DOCK8: variants seen among roughly 807,000 people sequenced by gnomAD.
DOCK8 encodes dedicator of cytokinesis protein 8.
Under a neutral mutation model 245.6 loss-of-function variants are expected in DOCK8, and 141 were observed. That is an observed-to-expected ratio of 0.57 (90% confidence interval 0.50 to 0.66). The LOEUF (loss-of-function observed/expected upper bound fraction) is 0.66, where lower values mean the gene tolerates loss of function less well. Among genes scored for constraint, DOCK8 ranks in the 30% least tolerant of loss-of-function variants. The probability of loss-of-function intolerance (pLI) is 0.00; values close to 1 mark genes in which losing one functional copy is unlikely to be tolerated. For synonymous variants in DOCK8, 1,168 were observed against 970.2 expected, an observed-to-expected ratio of 1.20 and a Z score of -3.79; for missense variants, 2,965 against 2,603.4, an observed-to-expected ratio of 1.14 and a Z score of -3.02.
intron 33 of DOCK8, among the ~76,000 whole-genome samples, chr9:425,380 A>T (rs2056445038): frequency 6.6e-6 from 1 of 152,006 alleles, no homozygotes; most frequent in African/African-American, 2.4e-5. Context: ...AAAATACAAA[A>T]AAGTAGCCGG....
intron 6 of DOCK8, chr9:312,496 T>G (rs996603275): frequency 6.3e-6 from 3 of 476,186 alleles, no homozygotes; most frequent in Non-Finnish European, 1.2e-5. Context: ...ACCATCCTAT[T>G]ATTTGAGGGG....
intron 39 of DOCK8, among the ~76,000 whole-genome samples, chr9:435,667 C>T (rs1220116885): frequency 2.0e-5 from 3 of 152,312 alleles, no homozygotes; most frequent in South Asian, 4.1e-4. Context: ...AAGGCTGAAT[C>T]AGTACCTTCT....
At chr9:357,587 A>AT (rs112232586) in intron 14 of DOCK8, among the ~76,000 whole-genome samples, 28 of 147,370 alleles carry the variant, frequency 1.9e-4, no homozygotes, top group Admixed American at 2.7e-4. Context: ...ATTTGATACC[A>AT]TTTTTTTTTT....
intron 26 of DOCK8, among the ~76,000 whole-genome samples, chr9:402,074 C>G (rs914547478): frequency 6.6e-6 from 1 of 152,136 alleles, no homozygotes; most frequent in Non-Finnish European, 1.5e-5. Context: ...TGAAAGATAC[C>G]CTAGATCACC....
At chr9:367,190 T>C (rs970466125) in intron 14 of DOCK8, among the ~76,000 whole-genome samples, 2 of 152,234 alleles carry the variant, frequency 1.3e-5, no homozygotes, top group Non-Finnish European at 2.9e-5. Flanking sequence ...AAGTCCTGTT[T>C]AAATGTTAGT....
chr9:341,682 C>T (rs533795837), intron 14 of DOCK8, among the ~76,000 whole-genome samples: 21 of 152,308 alleles, frequency 1.4e-4, no homozygotes, highest in African/African-American at 3.1e-4. Context: ...TTAAAATGTA[C>T]GCAAATGACT....
intron 1 of DOCK8, chr9:268,297 G>A (rs954611251): frequency 6.6e-6 from 1 of 152,198 alleles, no homozygotes; most frequent in Non-Finnish European, 1.5e-5. Flanking sequence ...AAATAGGAGT[G>A]CTATTAGGTA....
chr9:434,496 G>T (rs1039408308), intron 38 of DOCK8, among the ~76,000 whole-genome samples: 5 of 151,998 alleles, frequency 3.3e-5, no homozygotes, highest in African/African-American at 1.2e-4. Context: ...GCAGAAATTT[G>T]CCTGAGAGCC....
chr9:214,162 G>T (rs2046677881), upstream of DOCK8: 1 of 310,462 alleles, frequency 3.2e-6, no homozygotes, highest in Non-Finnish European at 6.0e-6. Context: ...GTCAACACTG[G>T]GACTTTTCTG....
At chr9:336,789 A>G in intron 12 of DOCK8, 71 bp downstream of exon 12, 1 of 1,585,088 alleles carries the variant, frequency 6.3e-7, no homozygotes, top group Non-Finnish European at 8.7e-7. Flanking sequence ...CCACAGGAGG[A>G]GGATACGTAG....
At chr9:344,145 AC>A (rs1365205032) in intron 14 of DOCK8, among the ~76,000 whole-genome samples, 2 of 152,158 alleles carry the variant, frequency 1.3e-5, no homozygotes, top group African/African-American at 2.4e-5. Context: ...TGCCAAGGCC[AC>A]CCTGTTAGAA....
intron 1 of DOCK8, among the ~76,000 whole-genome samples, chr9:228,602 C>T (rs1466884954): frequency 1.3e-5 from 2 of 152,090 alleles, no homozygotes; most frequent in Admixed American, 6.5e-5. Flanking sequence ...TGGCCCTACT[C>T]GCACTTTGAG....
upstream of DOCK8, among the ~76,000 whole-genome samples, chr9:212,385 A>C (rs1319660636): frequency 6.6e-6 from 1 of 152,208 alleles, no homozygotes; most frequent in Non-Finnish European, 1.5e-5. Context: ...TGAATGACAC[A>C]AAGATACGGA....
chr9:264,927 T>C lies in DOCK8; in HGVS notation c.54-6700T>C, dbSNP rs547585940. Among the ~76,000 whole-genome samples, 3 of 152,286 alleles carry C rather than the reference T, an allele frequency of 2.0e-5. No homozygotes were observed. The South Asian group carries it at 6.2e-4, about 32-fold the overall frequency. On this transcript the variant is annotated intron_variant, in intron 1 of 47. Coordinates refer to ENST00000432829, the MANE Select transcript of DOCK8 (RefSeq NM_203447.4). ...CATGCAACAAATTTTTAAACCTTGA[T>C]TTTTATTTATTTATTTATTTTGAGA...
chr9:396,221 G>C (rs1646106323), intron 24 of DOCK8, among the ~76,000 whole-genome samples: 2 of 152,108 alleles, frequency 1.3e-5, no homozygotes, highest in Non-Finnish European at 2.9e-5. Flanking sequence ...ATATAATATA[G>C]CTAAAATTTA....
At chr9:394,832 C>A (rs2054372832) in intron 24 of DOCK8, among the ~76,000 whole-genome samples, 1 of 152,230 alleles carries the variant, frequency 6.6e-6, no homozygotes, top group Non-Finnish European at 1.5e-5. Context: ...GGATGTTCTT[C>A]TCTGGAGATC....
chr9:412,334 A>G (rs2055770571), intron 28 of DOCK8, among the ~76,000 whole-genome samples: 2 of 150,706 alleles, frequency 1.3e-5, no homozygotes, highest in African/African-American at 4.9e-5. Context: ...GATCCCAGAA[A>G]GCGGAGGTTG....
chr9:458,828 C>T (rs2057719940), intron 46 of DOCK8, among the ~76,000 whole-genome samples: 1 of 151,930 alleles, frequency 6.6e-6, no homozygotes, highest in Non-Finnish European at 1.5e-5. Context: ...AGAGGGGGTA[C>T]CAAGAGATGC....
chr9:246,944 T>C (rs1257115606), intron 1 of DOCK8, among the ~76,000 whole-genome samples: 1 of 152,144 alleles, frequency 6.6e-6, no homozygotes, highest in Non-Finnish European at 1.5e-5. Context: ...TGAGATCATC[T>C]GCAAGTTCAA....
Sources: allele counts gnomAD v4.1 joint callset (sites outside exome capture counted in the v4.1 genomes callset), GRCh38; gene constraint gnomAD v4.1.1; transcripts MANE v1.5; gene names NCBI Gene and HGNC (gene_info 2026-07-23, HGNC 2026-07-21).